Variants in LTBP1 observed in about 807,000 individuals in gnomAD.
LTBP1 encodes latent-transforming growth factor beta-binding protein 1.
A neutral mutation model predicts 207.6 loss-of-function variants in LTBP1; 129 were observed. The ratio of observed to expected loss-of-function variants is 0.62; its 90% CI spans 0.54 to 0.72. LTBP1 has a LOEUF of 0.72. LTBP1 is among the 30% of genes least tolerant of loss of function. The pLI is 0.00. For synonymous variants in LTBP1, 963 were observed against 833.7 expected, an observed-to-expected ratio of 1.16 and a Z score of -2.67; for missense variants, 2,281 against 2,217.2, an observed-to-expected ratio of 1.03 and a Z score of -0.58.
At chr2:33,358,010 T>C (rs564948770) in intron 26 of LTBP1, among the ~76,000 whole-genome samples, 1 of 152,286 alleles carries the variant, frequency 6.6e-6, no homozygotes, top group Non-Finnish European at 1.5e-5. Flanking sequence ...TTTATCCCAA[T>C]AGAAAAATGC....
intron 19 of LTBP1, among the ~76,000 whole-genome samples, chr2:33,283,853 T>C (rs2093612819): frequency 6.6e-6 from 1 of 152,246 alleles, no homozygotes; most frequent in Non-Finnish European, 1.5e-5. Flanking sequence ...GTTCCATAAA[T>C]GTTAGTGTCT....
intron 3 of LTBP1, among the ~76,000 whole-genome samples, chr2:33,100,179 G>A (rs1407186928): frequency 1.3e-5 from 2 of 152,328 alleles, no homozygotes; most frequent in South Asian, 2.1e-4. Flanking sequence ...AGAGCATAAC[G>A]TGTTCCGGCT....
intron 10 of LTBP1, among the ~76,000 whole-genome samples, chr2:33,245,848 A>G (rs946824179): frequency 2.6e-5 from 4 of 152,194 alleles, no homozygotes; most frequent in African/African-American, 7.2e-5. Flanking sequence ...TACAATTCTT[A>G]TATTGAAGGT....
chr2:33,301,400 C>T (rs576998529), intron 21 of LTBP1, 122 bp from the exon 22 acceptor site: 1 of 1,176,224 alleles, frequency 8.5e-7, no homozygotes, highest in East Asian at 2.5e-5. Context: ...AGCGACAATA[C>T]ATGATGGTCA....
rs116664400 is a variant in LTBP1, at chr2:33,103,825, G to A, written c.864-6757G>A. 9.6e-3 allele frequency among the ~76,000 whole-genome samples: 1,460 copies of A among 152,150 alleles called. 32 individuals carry two copies. The highest frequency in any genetic ancestry group is 0.033 in the African/African-American group (1,387 of 41,502). ...ATCCTTCTCAACAACTTGAAGGCAG[G>A]CAGGGTGCAATTGATCACTTGAATT... On this transcript the variant is annotated intron_variant, in intron 3 of 33. Transcript: ENST00000404816.
intron 10 of LTBP1, among the ~76,000 whole-genome samples, chr2:33,245,863 G>A (rs2092491518): frequency 6.6e-6 from 1 of 152,178 alleles, no homozygotes; most frequent in Admixed American, 6.5e-5. Flanking sequence ...GAAGGTTGCT[G>A]ATTAGGTAAA....
Position 33,035,122 on chromosome 2 carries a change from T to C in LTBP1, c.863+13916T>C, listed in dbSNP as rs80300563. 4.1e-4 allele frequency among the ~76,000 whole-genome samples: 62 copies of C among 152,350 alleles called. No homozygotes were observed. The East Asian group carries it at 0.011, about 27-fold the overall frequency. ...TTGCCGATGGATAGGAATTAATTCATATGAGCAATGTTCTATTCTCTTGTG... is the reference window on the plus strand; with the variant it reads ...TTGCCGATGGATAGGAATTAATTCACATGAGCAATGTTCTATTCTCTTGTG... On this transcript the variant is annotated intron_variant, in intron 3 of 33. Transcript: ENST00000404816.
At chr2:33,194,178 G>A (rs2088264107) in intron 7 of LTBP1, among the ~76,000 whole-genome samples, 1 of 151,874 alleles carries the variant, frequency 6.6e-6, no homozygotes, top group Admixed American at 6.6e-5. Flanking sequence ...TTAGAGATGG[G>A]GTTTCACCGT....
chr2:33,371,344 C>G (rs1026091299), intron 31 of LTBP1, among the ~76,000 whole-genome samples: 1 of 152,166 alleles, frequency 6.6e-6, no homozygotes. Context: ...TCACAGTACC[C>G]GCTGATCCTG....
At chr2:33,170,694 G>A (rs1210180819) in intron 5 of LTBP1, among the ~76,000 whole-genome samples, 4 of 152,212 alleles carry the variant, frequency 2.6e-5, no homozygotes, top group Non-Finnish European at 5.9e-5. Context: ...CTGAGAAGGG[G>A]CAGACTGCCT....
At chr2:33,249,482 T>C (rs2092619281) in intron 10 of LTBP1, among the ~76,000 whole-genome samples, 1 of 152,212 alleles carries the variant, frequency 6.6e-6, no homozygotes. Context: ...ATAAGTTGCT[T>C]AATATATCAC....
chr2:33,084,373 A>G (rs984037229), intron 3 of LTBP1, among the ~76,000 whole-genome samples: 2 of 152,164 alleles, frequency 1.3e-5, no homozygotes. Flanking sequence ...TGAAGCAGAC[A>G]GGGTTCTGGG....
At chr2:33,208,494 A>G (rs910098020) in intron 7 of LTBP1, among the ~76,000 whole-genome samples, 4 of 152,174 alleles carry the variant, frequency 2.6e-5, no homozygotes, top group Non-Finnish European at 5.9e-5. Context: ...AGGGTGAGGA[A>G]AAGGCAGCCC....
intron 24 of LTBP1, among the ~76,000 whole-genome samples, chr2:33,335,194 G>A (rs529433748): frequency 1.3e-5 from 2 of 150,356 alleles, no homozygotes; most frequent in South Asian, 4.2e-4. Context: ...AAAAAAAGAT[G>A]TCTCATTGGC....
rs1049052556 is a variant in LTBP1, at chr2:33,163,921, C to T, written c.1202-22935C>T. 5.3e-5 allele frequency among the ~76,000 whole-genome samples: 8 copies of T among 152,082 alleles called. No homozygotes were observed. The South Asian group carries it at 1.7e-3, about 32-fold the overall frequency. ...CATGTCTCTCCTTTTTATCATAGTG[C>T]TCTATCCAGAAAAGATGCTCAGAGA... On this transcript the variant is annotated intron_variant, in intron 5 of 33. Coordinates refer to ENST00000404816, the MANE Select transcript of LTBP1 (RefSeq NM_206943.4).
intron 26 of LTBP1, among the ~76,000 whole-genome samples, chr2:33,349,043 TTCTG>T (rs775301162): frequency 3.3e-5 from 5 of 152,206 alleles, no homozygotes; most frequent in African/African-American, 4.8e-5. Context: ...AGCAGAAGCC[TTCTG>T]TCTGATTTCA....
At chr2:33,393,234 CTTTTTTTTT>C (rs569734292) in intron 32 of LTBP1, among the ~76,000 whole-genome samples, 4 of 48,744 alleles carry the variant, frequency 8.2e-5, no homozygotes, top group African/African-American at 2.2e-4. Flanking sequence ...CCTTCTTCTT[CTTTTTTTTT>C]TTTTTTTTTT....
At position 33,262,737 on chromosome 2, in the gene LTBP1, G is replaced by A; in HGVS notation, c.2434G>A (p.Asp812Asn). ...AACCATCCAGGAAATACCTTCATTG[G>A]ATCAAGAGAAAACCAAACTTGAGCC... is the stretch of plus-strand genomic sequence containing the variant. ...APPEKEIPSL[D>N]QEKTKLEPGQ... Residue 812 changes from aspartate (D) to asparagine (N), a missense_variant, in exon 14 of 34, where the codon GAT becomes AAT. By Grantham distance (23) the Asp-to-Asn change is conservative (BLOSUM62 1). This residue lies in a region of LTBP1 where 1,671 missense variants were observed against 1,634.8 expected (regional missense o/e 1.02). Transcript: ENST00000404816. The A allele has an allele frequency of 1.3e-6, 2 of 1,596,290 alleles. No individual in the cohort carries two copies. The highest frequency in any genetic ancestry group is 1.1e-5 in the South Asian group (1 of 88,960).
intron 31 of LTBP1, among the ~76,000 whole-genome samples, chr2:33,386,100 A>G (rs1359588084): frequency 2.0e-5 from 3 of 152,134 alleles, no homozygotes; most frequent in Non-Finnish European, 4.4e-5. Context: ...TTCTTTAGGA[A>G]CCATTTGGTA....
Sources: gnomAD v4.1 joint callset for allele counts (sites outside exome capture counted in the v4.1 genomes callset) on GRCh38, gnomAD v4.1.1 for gene constraint, gnomAD v4.1.1 regional missense constraint, MANE v1.5 for transcripts, NCBI Gene and HGNC (gene_info 2026-07-23, HGNC 2026-07-21) for gene names.